SPHKAP: variants seen among roughly 807,000 people sequenced by gnomAD.
SPHKAP encodes the protein A-kinase anchor protein SPHKAP.
A neutral mutation model predicts 137.5 loss-of-function variants in SPHKAP; 67 were observed. The observed-to-expected ratio is 0.49, with a 90% CI of 0.40 to 0.60. The LOEUF is 0.60. Among genes scored for constraint, SPHKAP ranks in the 20% least tolerant of loss-of-function variants. The probability of loss-of-function intolerance (pLI) is 0.00; values close to 1 mark genes in which losing one functional copy is unlikely to be tolerated. For missense variants in SPHKAP, 2,097 were observed against 2,069.3 expected (o/e 1.01, Z -0.26); for synonymous variants, 813 against 785.3 (o/e 1.04, Z -0.59).
chr2:228,101,557 C>T (rs72973801), intron 3 of SPHKAP, among the ~76,000 whole-genome samples: 10,014 of 152,250 alleles, frequency 0.066, 481 homozygotes, highest in Middle Eastern at 0.2. Flanking sequence ...ATCTGATGCT[C>T]ACTGTGTGTA....
chr2:228,012,943 C>T (rs1457670826), intron 7 of SPHKAP, among the ~76,000 whole-genome samples: 1 of 151,978 alleles, frequency 6.6e-6, no homozygotes, highest in Non-Finnish European at 1.5e-5. Flanking sequence ...GTATATTGAG[C>T]GTAAATAACT....
intron 1 of SPHKAP, among the ~76,000 whole-genome samples, chr2:228,151,945 TAAATTC>T (rs762396104): frequency 6.9e-4 from 105 of 152,320 alleles, no homozygotes; most frequent in Non-Finnish European, 1.4e-3. Context: ...TTATTATCCT[TAAATTC>T]AAATTACTTT....
At position 228,025,524 on chromosome 2, in the gene SPHKAP, A is replaced by G. The variant is rs1180916766; in HGVS notation, c.311T>C (p.Leu104Pro). ...TGGAAGATCTGGTGAAACGTTGACC[A>G]GTTTCTGTAAAGCAAGAATCTTTAT... The part of the protein sequence containing the change: ...ECSTEHLQQK[L>P]VNVSPDLPKL... Residue 104 changes from leucine (L) to proline (P), a missense_variant, in exon 5 of 12, where the codon CTG (leucine) becomes CCG (proline). Coordinates refer to ENST00000392056, the MANE Select transcript of SPHKAP (RefSeq NM_001142644.2). The G allele has an allele frequency of 1.2e-6, 2 of 1,613,524 alleles. No individual in the cohort carries two copies. The highest frequency in any genetic ancestry group is 2.7e-5 in the African/African-American group (2 of 75,040).
At position 228,019,973 on chromosome 2, in the gene SPHKAP, G is replaced by A; in HGVS notation, c.881C>T (p.Thr294Ile). Residue 294 changes from threonine to isoleucine, a missense_variant, in exon 7 of 12, where the codon ACA becomes ATA. Coordinates refer to ENST00000392056, the MANE Select transcript of SPHKAP (RefSeq NM_001142644.2). ...ERSPENLTKNTALQSLDPSAK... is the reference protein window; with the variant it reads ...ERSPENLTKNIALQSLDPSAK... The stretch of plus-strand genomic sequence containing the variant: ...TGAGGGATCTAGACTCTGCAAGGCT[G>A]TGTTCTTTGTTAGGTTTTCTGGAGA... 2 of 1,614,220 alleles carry A rather than the reference G, an allele frequency of 1.2e-6. No individual in the cohort carries two copies. The highest frequency in any genetic ancestry group is 1.6e-4 in the Middle Eastern group (1 of 6,062).
intron 7 of SPHKAP, among the ~76,000 whole-genome samples, chr2:228,007,821 T>G (rs995509507): frequency 6.6e-6 from 1 of 152,120 alleles, no homozygotes; most frequent in Middle Eastern, 3.2e-3. Flanking sequence ...AAGGATAGTC[T>G]CATCAATAAA....
chr2:228,111,463 G>A (rs1698514062), intron 2 of SPHKAP, among the ~76,000 whole-genome samples: 1 of 152,094 alleles, frequency 6.6e-6, no homozygotes. Context: ...ATAGAACATT[G>A]GATGCCTTCT....
intron 3 of SPHKAP, among the ~76,000 whole-genome samples, chr2:228,080,514 C>A (rs1697328158): frequency 6.6e-6 from 1 of 152,098 alleles, no homozygotes; most frequent in South Asian, 2.1e-4. Flanking sequence ...TGAGACCAGC[C>A]TGGCCAACAT....
intron 11 of SPHKAP, among the ~76,000 whole-genome samples, chr2:227,989,318 C>T (rs190218250): frequency 3.7e-4 from 57 of 152,244 alleles, no homozygotes; most frequent in African/African-American, 1.4e-3. Flanking sequence ...ACCCGATTTG[C>T]TCCTAGTCAA....
intron 3 of SPHKAP, among the ~76,000 whole-genome samples, chr2:228,091,281 G>T (rs1284553369): frequency 6.6e-6 from 1 of 152,090 alleles, no homozygotes; most frequent in Non-Finnish European, 1.5e-5. Context: ...ATGGATTAAA[G>T]ACTTAAAACT....
intron 3 of SPHKAP, among the ~76,000 whole-genome samples, chr2:228,069,775 C>T (rs1696949625): frequency 6.6e-6 from 1 of 152,078 alleles, no homozygotes; most frequent in Non-Finnish European, 1.5e-5. Context: ...AAATAGGAGC[C>T]ACAAGAAGCT....
intron 4 of SPHKAP, 61 bp from the exon 5 acceptor site, chr2:228,025,589 A>C: frequency 6.3e-7 from 1 of 1,586,388 alleles, no homozygotes; most frequent in South Asian, 1.1e-5. Flanking sequence ...CTACTCACAA[A>C]CTACTTTACC....
intron 2 of SPHKAP, chr2:228,131,186 A>G: frequency 2.1e-6 from 1 of 485,144 alleles, no homozygotes; most frequent in Non-Finnish European, 2.7e-6. Flanking sequence ...ACACATAACA[A>G]TATGCTTAGT....
intron 3 of SPHKAP, among the ~76,000 whole-genome samples, chr2:228,088,364 ATTTTGG>A (rs1697609507): frequency 6.6e-6 from 1 of 152,170 alleles, no homozygotes. Context: ...TATACCATGT[ATTTTGG>A]GGTGTTAAAT....
chr2:228,147,171 G>T (rs932615521), intron 1 of SPHKAP, among the ~76,000 whole-genome samples: 4 of 152,082 alleles, frequency 2.6e-5, no homozygotes, highest in Non-Finnish European at 4.4e-5. Flanking sequence ...CCATAAATGT[G>T]GTAGGGTCAA....
At chr2:228,049,813 G>T (rs891078086) in intron 3 of SPHKAP, among the ~76,000 whole-genome samples, 3 of 152,102 alleles carry the variant, frequency 2.0e-5, no homozygotes, top group Non-Finnish European at 4.4e-5. Context: ...CCATGTTGCT[G>T]CAAAAATATA....
Position 228,046,116 on chromosome 2 carries a change from T to C in SPHKAP, c.247-18573A>G, listed in dbSNP as rs938464862. On this transcript the variant is annotated intron_variant, in intron 3 of 11. Coordinates refer to ENST00000392056, the MANE Select transcript of SPHKAP (RefSeq NM_001142644.2). Reference sequence around the variant, plus strand: ...CACATACGGTAATTATGGGTGGTGATGGCTGTGATAATTAGATTACAGTAA... The same window carrying C: ...CACATACGGTAATTATGGGTGGTGACGGCTGTGATAATTAGATTACAGTAA... Among the ~76,000 whole-genome samples the C allele has an allele frequency of 7.2e-5, 11 of 152,218 alleles. 1 individual carries two copies. The East Asian group carries it at 2.1e-3, about 29-fold the overall frequency.
chr2:228,102,227 G>A (rs1400302478), intron 3 of SPHKAP, among the ~76,000 whole-genome samples: 1 of 148,956 alleles, frequency 6.7e-6, no homozygotes, highest in Non-Finnish European at 1.5e-5. Flanking sequence ...ACTTGAGTTT[G>A]TCAAATACAT....
At chr2:228,143,148 C>T (rs1032411466) in intron 1 of SPHKAP, among the ~76,000 whole-genome samples, 3 of 152,114 alleles carry the variant, frequency 2.0e-5, no homozygotes, top group African/African-American at 7.2e-5. Flanking sequence ...TGCCCCTTTG[C>T]CCTCAAAAAT....
intron 3 of SPHKAP, among the ~76,000 whole-genome samples, chr2:228,040,028 AT>A (rs534631730): frequency 6.6e-6 from 1 of 151,826 alleles, no homozygotes; most frequent in African/African-American, 2.4e-5. Flanking sequence ...CCTCTGCTTG[AT>A]TTTTTTTCAT....
Sources: gnomAD v4.1 joint callset for allele counts (sites outside exome capture counted in the v4.1 genomes callset) on GRCh38, gnomAD v4.1.1 for gene constraint, MANE v1.5 for transcripts, NCBI Gene and HGNC (gene_info 2026-07-23, HGNC 2026-07-21) for gene names.